Variants in CHST9 observed in about 807,000 individuals in gnomAD.
The protein encoded by CHST9 is GalNAc-4-sulfotransferase 2.
A neutral mutation model predicts 44.4 loss-of-function variants in CHST9; 41 were observed. The ratio of observed to expected loss-of-function variants is 0.92; its 90% CI spans 0.72 to 1.20. The LOEUF (loss-of-function observed/expected upper bound fraction) is 1.20, where lower values mean the gene tolerates loss of function less well. CHST9 is among the 50% of genes most tolerant of loss of function. The pLI, the probability that CHST9 is intolerant of heterozygous loss-of-function variation, is 0.00. For synonymous variants in CHST9, 171 were observed against 178.4 expected (o/e 0.96, Z 0.33); for missense variants, 504 against 516.5 (o/e 0.98, Z 0.23).
intron 5 of CHST9, among the ~76,000 whole-genome samples, chr18:26,930,036 T>C (rs906215884): frequency 2.6e-5 from 4 of 152,258 alleles, no homozygotes; most frequent in Non-Finnish European, 4.4e-5. Context: ...AAGCATCTAC[T>C]GGTCCCAGAT....
At chr18:27,040,336 A>G (rs12604227) in intron 3 of CHST9, among the ~76,000 whole-genome samples, 58,150 of 152,006 alleles carry the variant, frequency 0.38, 11,677 homozygotes, top group East Asian at 0.5. Flanking sequence ...ATCACGTCTA[A>G]GAAAATTTAA....
rs1568151302 is a variant in CHST9, at chr18:27,053,277, AAGG to A, written c.122-4777_122-4775del. 4.7e-4 allele frequency among the ~76,000 whole-genome samples: 62 copies of A among 132,386 alleles called. 2 individuals carry two copies. The highest frequency in any genetic ancestry group is 1.4e-3 in the African/African-American group (50 of 35,244). The allele number at this position is 132,386 out of a possible 152,430, so 86.9% of individuals were successfully genotyped here. The stretch of plus-strand genomic sequence containing the variant: ...GAAGAAGAAGGAGAAGGAGAAGGAG[AAGG>A]AGAAGGAGAAGGAGAAGGAGAAGGA... On this transcript the variant is annotated intron_variant, in intron 2 of 5. Transcript: ENST00000618847.
chr18:26,978,921 A>AAGG, intron 4 of CHST9, among the ~76,000 whole-genome samples: 1 of 152,320 alleles, frequency 6.6e-6, no homozygotes, highest in Admixed American at 6.5e-5. Context: ...GGGAGAGTCA[A>AAGG]GACCTTAGCC....
intron 3 of CHST9, among the ~76,000 whole-genome samples, chr18:27,047,353 C>A (rs1247399226): frequency 1.3e-5 from 2 of 150,584 alleles, no homozygotes; most frequent in Non-Finnish European, 3.0e-5. Context: ...GTAATCATAC[C>A]TGTGAGGGAC....
At chr18:26,951,386 G>A (rs2056245659) in intron 4 of CHST9, among the ~76,000 whole-genome samples, 1 of 152,128 alleles carries the variant, frequency 6.6e-6, no homozygotes, top group African/African-American at 2.4e-5. Context: ...TTAAAGCAGT[G>A]GTTCTAAACC....
chr18:27,172,665 T>G (rs569039762), intron 1 of CHST9, among the ~76,000 whole-genome samples: 2 of 152,180 alleles, frequency 1.3e-5, no homozygotes, highest in South Asian at 4.1e-4. Context: ...TAGTGAATTT[T>G]AACCTCAAGA....
chr18:27,045,504 C>T (rs933612225), intron 3 of CHST9, among the ~76,000 whole-genome samples: 2 of 151,662 alleles, frequency 1.3e-5, no homozygotes, highest in Non-Finnish European at 2.9e-5. Context: ...AAAAATTTTC[C>T]CGGTAAAGAG....
At chr18:26,918,618 A>G (rs1311426261) in intron 5 of CHST9, among the ~76,000 whole-genome samples, 1 of 152,120 alleles carries the variant, frequency 6.6e-6, no homozygotes, top group African/African-American at 2.4e-5. Flanking sequence ...TCTCTCAAAT[A>G]TTTGTGGAAT....
Position 27,011,877 on chromosome 18 carries a change from C to T in CHST9, c.202+12239G>A, listed in dbSNP as rs2057089314. ...AGCAGGTGCTGGCCACTGGTGATTCCTGACAATTCCCTGCACACTGGATCC... is the reference window on the plus strand; with the variant it reads ...AGCAGGTGCTGGCCACTGGTGATTCTTGACAATTCCCTGCACACTGGATCC... On this transcript the variant is annotated intron_variant, in intron 4 of 5. Transcript: ENST00000618847. 2.0e-5 allele frequency among the ~76,000 whole-genome samples: 3 copies of T among 152,202 alleles called. No homozygotes were observed. The South Asian group carries it at 6.2e-4, about 32-fold the overall frequency.
At chr18:26,923,723 G>C (rs938447411) in intron 5 of CHST9, among the ~76,000 whole-genome samples, 2 of 152,174 alleles carry the variant, frequency 1.3e-5, no homozygotes, top group African/African-American at 4.8e-5. Context: ...GGAAACCAAA[G>C]TTTAATTGAT....
chr18:27,181,852 T>C (rs1209353846), intron 1 of CHST9, among the ~76,000 whole-genome samples: 1 of 152,230 alleles, frequency 6.6e-6, no homozygotes, highest in Non-Finnish European at 1.5e-5. Flanking sequence ...TATGATTTCC[T>C]GCAAAGTTTT....
At chr18:26,975,945 C>T (rs943194703) in intron 4 of CHST9, among the ~76,000 whole-genome samples, 1 of 151,092 alleles carries the variant, frequency 6.6e-6, no homozygotes, top group African/African-American at 2.4e-5. Context: ...ATTGGCCAGT[C>T]AGCAGGAGGT....
chr18:27,182,393 G>A (rs984649106), intron 1 of CHST9, among the ~76,000 whole-genome samples: 1 of 152,170 alleles, frequency 6.6e-6, no homozygotes, highest in African/African-American at 2.4e-5. Context: ...TGTAGCTGGT[G>A]ATAATGGCCC....
At chr18:26,938,416 C>G (rs1383673252) in intron 5 of CHST9, among the ~76,000 whole-genome samples, 1 of 152,196 alleles carries the variant, frequency 6.6e-6, no homozygotes, top group Non-Finnish European at 1.5e-5. Context: ...GCAACTCTCT[C>G]AATTCTGAAG....
At chr18:27,135,482 A>G (rs763177024) in intron 2 of CHST9, among the ~76,000 whole-genome samples, 2 of 152,184 alleles carry the variant, frequency 1.3e-5, no homozygotes, top group South Asian at 4.1e-4. Flanking sequence ...TGTCAGCTTA[A>G]TAAGAGTATT....
chr18:27,015,532 C>G (rs1018392588), intron 4 of CHST9, among the ~76,000 whole-genome samples: 2 of 152,146 alleles, frequency 1.3e-5, no homozygotes, highest in African/African-American at 4.8e-5. Context: ...TCCAGTCACA[C>G]AGACCCCTGC....
chr18:27,060,705 C>T (rs972340424), intron 2 of CHST9, among the ~76,000 whole-genome samples: 6 of 152,224 alleles, frequency 3.9e-5, no homozygotes, highest in African/African-American at 1.4e-4. Flanking sequence ...CCTCTTCTCA[C>T]ATGACATGCA....
rs762446256 is a variant in CHST9 at position 26,917,269 on chromosome 18, A to C, written c.322T>G (p.Leu108Val). The change falls in exon 6 of 6, where the codon TTA becomes GTA. Residue 108 changes from leucine (L) to valine (V), a missense_variant. By Grantham distance (32) the Leu-to-Val change is conservative. Coordinates refer to ENST00000618847, the MANE Select transcript of CHST9 (RefSeq NM_031422.6). ...LLNSERSTRL[L>V]TKTSHSQGGD... is the part of the protein sequence containing the mutation. ...CCTTGTGAATGACTGGTCTTTGTTA[A>C]GAGCCTAGTAGATCTCTCAGAATTG... The C allele has an allele frequency of 2.7e-5, 43 of 1,613,826 alleles. No homozygotes were observed. The highest frequency in any genetic ancestry group is 1.6e-4 in the Middle Eastern group (1 of 6,062).
At chr18:26,975,079 G>A (rs1338450786) in intron 4 of CHST9, among the ~76,000 whole-genome samples, 9 of 152,164 alleles carry the variant, frequency 5.9e-5, no homozygotes, top group Non-Finnish European at 1.0e-4. Flanking sequence ...TGCAAGCATG[G>A]GTCTTTTGAT....
Sources: gnomAD v4.1 joint callset for allele counts (sites outside exome capture counted in the v4.1 genomes callset) on GRCh38, gnomAD v4.1.1 for gene constraint, MANE v1.5 for transcripts, NCBI Gene and HGNC (gene_info 2026-07-23, HGNC 2026-07-21) for gene names.